Variants in CBLB observed in about 807,000 individuals in gnomAD.
CBLB encodes E3 ubiquitin-protein ligase CBL-B.
CBLB carries 31 observed loss-of-function variants against 104.9 expected under a neutral mutation model. That is an observed-to-expected ratio of 0.30 (90% CI 0.22 to 0.40). The LOEUF (loss-of-function observed/expected upper bound fraction) is 0.40. Ranked by LOEUF, CBLB falls within the 10% of genes least tolerant of loss-of-function variation. The pLI, the probability that CBLB is intolerant of heterozygous loss-of-function variation, is 1.00. For synonymous variants in CBLB, 440 were observed against 422.6 expected (o/e 1.04, Z -0.51); for missense variants, 1,062 against 1,214.6 (o/e 0.87, Z 1.87).
intron 3 of CBLB, among the ~76,000 whole-genome samples, chr3:105,849,890 C>G (rs568248763): frequency 1.3e-5 from 2 of 152,154 alleles, no homozygotes; most frequent in East Asian, 3.9e-4. Context: ...GGCAGAAATA[C>G]AATGTGAAAA....
chr3:105,745,683 T>C (rs879779794), intron 6 of CBLB, among the ~76,000 whole-genome samples: 1 of 152,212 alleles, frequency 6.6e-6, no homozygotes, highest in African/African-American at 2.4e-5. Context: ...ACGGATATCA[T>C]GAAAACAGAA....
At chr3:105,721,415 C>T (rs2152829214) in intron 9 of CBLB, among the ~76,000 whole-genome samples, 1 of 152,290 alleles carries the variant, frequency 6.6e-6, no homozygotes, top group African/African-American at 2.4e-5. Context: ...GTGGCAGATC[C>T]TGTGATAGTT....
intron 2 of CBLB, among the ~76,000 whole-genome samples, chr3:105,866,343 A>G (rs1280620883): frequency 6.6e-6 from 1 of 152,206 alleles, no homozygotes; most frequent in Non-Finnish European, 1.5e-5. Flanking sequence ...AGCAAATCAA[A>G]GCAAAGATGA....
chr3:105,853,793 C>T, intron 2 of CBLB, 129 bp from the exon 3 acceptor site: 1 of 655,182 alleles, frequency 1.5e-6, no homozygotes, highest in South Asian at 2.0e-5. Context: ...TTACTATCTC[C>T]AATTTATTAA....
rs375621974 is a variant in CBLB at position 105,678,096 on chromosome 3, TA to T, written c.2569+334del. ...GCATTGGGAATCGGAAGACAAAGTC[TA>T]AATATTGTTCCCATTACTATTAGCC... On this transcript the variant is annotated intron_variant, in intron 17 of 18. Transcript: ENST00000394030. 1.5e-4 allele frequency among the ~76,000 whole-genome samples: 23 copies of T among 152,318 alleles called. 1 individual carries two copies. In the South Asian group the frequency reaches 4.8e-3, roughly 32 times the overall value.
At chr3:105,712,281 T>C (rs181567208) in intron 10 of CBLB, among the ~76,000 whole-genome samples, 1 of 152,326 alleles carries the variant, frequency 6.6e-6, no homozygotes, top group Admixed American at 6.5e-5. Flanking sequence ...CTCTTCTCTT[T>C]ATGCAAGCTA....
intron 12 of CBLB, among the ~76,000 whole-genome samples, chr3:105,699,096 G>A (rs2068759765): frequency 6.6e-6 from 1 of 152,024 alleles, no homozygotes; most frequent in Non-Finnish European, 1.5e-5. Context: ...CACCAAGTAA[G>A]TATTATATTA....
At chr3:105,690,704 C>A (rs548525419) in intron 13 of CBLB, among the ~76,000 whole-genome samples, 1 of 151,952 alleles carries the variant, frequency 6.6e-6, no homozygotes, top group South Asian at 2.1e-4. Context: ...CGACTATAGT[C>A]CCAGCTACTT....
chr3:105,811,597 C>T (rs1458633656), intron 3 of CBLB, among the ~76,000 whole-genome samples: 1 of 152,124 alleles, frequency 6.6e-6, no homozygotes. Context: ...AACACTGAGG[C>T]AAACTGGGTA....
At chr3:105,754,058 C>T (rs1455198334) in intron 4 of CBLB, among the ~76,000 whole-genome samples, 3 of 151,988 alleles carry the variant, frequency 2.0e-5, no homozygotes, top group Admixed American at 1.3e-4. Flanking sequence ...GTTAACTTTT[C>T]ATATATGAGT....
At chr3:105,841,405 T>C (rs1034385516) in intron 3 of CBLB, among the ~76,000 whole-genome samples, 1 of 151,998 alleles carries the variant, frequency 6.6e-6, no homozygotes. Flanking sequence ...ACATATTAGA[T>C]ATATCAAATA....
At chr3:105,727,254 G>A (rs748185058) in intron 9 of CBLB, among the ~76,000 whole-genome samples, 22 of 152,170 alleles carry the variant, frequency 1.4e-4, no homozygotes, top group Non-Finnish European at 2.2e-4. Flanking sequence ...TCTAACTGGC[G>A]TGAGATGGTT....
intron 3 of CBLB, among the ~76,000 whole-genome samples, chr3:105,845,582 G>T (rs2090145459): frequency 6.6e-6 from 1 of 151,146 alleles, no homozygotes. Flanking sequence ...ACTTTTCATT[G>T]AAAAATCAAC....
At chr3:105,659,344 C>A in intron 18 of CBLB, 115 bp from the exon 19 acceptor site, 1 of 1,158,372 alleles carries the variant, frequency 8.6e-7, no homozygotes, top group South Asian at 1.4e-5. Flanking sequence ...GTTTTCTTTA[C>A]AAATAAACTT....
chr3:105,740,139 T>C (rs1309994697), intron 7 of CBLB, among the ~76,000 whole-genome samples: 3 of 152,024 alleles, frequency 2.0e-5, no homozygotes, highest in Admixed American at 6.6e-5. Flanking sequence ...ACTAGTATTC[T>C]AAGGGTTATA....
chr3:105,673,310 A>G (rs1319208000), intron 17 of CBLB: 1 of 152,128 alleles, frequency 6.6e-6, no homozygotes, highest in Non-Finnish European at 1.5e-5. Context: ...CTCAAGAAAT[A>G]TGCCTGCCTC....
chr3:105,701,624 G>C (rs769575893), intron 12 of CBLB, among the ~76,000 whole-genome samples: 3 of 152,042 alleles, frequency 2.0e-5, no homozygotes, highest in African/African-American at 4.8e-5. Flanking sequence ...TTAGCTAGGC[G>C]TGGTGGCAGG....
At chr3:105,690,771 G>A (rs1037078704) in intron 13 of CBLB, among the ~76,000 whole-genome samples, 19 of 149,982 alleles carry the variant, frequency 1.3e-4, no homozygotes, top group African/African-American at 4.2e-4. Context: ...GCAGTGAGCC[G>A]AGATCGCGCC....
chr3:105,694,399 C>A (rs2068082003), intron 12 of CBLB, among the ~76,000 whole-genome samples: 1 of 151,860 alleles, frequency 6.6e-6, no homozygotes, highest in Admixed American at 6.6e-5. Flanking sequence ...AAAAATTGAA[C>A]ACATTTTAAG....
Sources: allele counts gnomAD v4.1 joint callset (sites outside exome capture counted in the v4.1 genomes callset), GRCh38; gene constraint gnomAD v4.1.1; transcripts MANE v1.5; gene names NCBI Gene and HGNC (gene_info 2026-07-23, HGNC 2026-07-21).